The following PPM1D variants were observed in gnomAD, a reference collection of about 807,000 sequenced individuals.
PPM1D encodes protein phosphatase, Mg2+/Mn2+ dependent 1D.
PPM1D carries 52 observed loss-of-function variants against 58.3 expected under a neutral mutation model. The ratio of observed to expected loss-of-function variants is 0.89; its 90% confidence interval spans 0.71 to 1.12. The LOEUF is 1.12. Among genes scored for constraint, PPM1D ranks in the 50% most tolerant of loss-of-function variants. The pLI, the probability that PPM1D is intolerant of heterozygous loss-of-function variation, is 0.00. For missense variants in PPM1D, 564 were observed against 777.2 expected (o/e 0.73, Z 3.26); for synonymous variants, 278 against 285.1 (o/e 0.98, Z 0.25).
At chr17:60,645,618 A>ATATATG (rs1228702695) in intron 3 of PPM1D, among the ~76,000 whole-genome samples, 5 of 140,784 alleles carry the variant, frequency 3.6e-5, no homozygotes, top group Non-Finnish European at 6.0e-5. Flanking sequence ...GTGTGTATAT[A>ATATATG]TATATGTATA....
intron 3 of PPM1D, among the ~76,000 whole-genome samples, chr17:60,643,420 A>C (rs2031175691): frequency 6.6e-6 from 1 of 152,186 alleles, no homozygotes; most frequent in African/African-American, 2.4e-5. Flanking sequence ...AAGAAGAGCA[A>C]AAAGAACCAA....
At chr17:60,625,334 CAA>C (rs746122173) in intron 2 of PPM1D, among the ~76,000 whole-genome samples, 2 of 152,080 alleles carry the variant, frequency 1.3e-5, no homozygotes, top group Admixed American at 6.6e-5. Flanking sequence ...AGATTCCTCT[CAA>C]TATTTTTATT....
At chr17:60,638,402 T>C (rs1390487943) in intron 3 of PPM1D, among the ~76,000 whole-genome samples, 1 of 152,034 alleles carries the variant, frequency 6.6e-6, no homozygotes, top group East Asian at 1.9e-4. Context: ...GGAATCTCAC[T>C]CTGTTGCCCA....
intron 5 of PPM1D, among the ~76,000 whole-genome samples, chr17:60,657,567 A>G (rs1331326315): frequency 1.3e-5 from 2 of 152,144 alleles, no homozygotes; most frequent in Non-Finnish European, 2.9e-5. Flanking sequence ...AGGGAAATCT[A>G]ATGTCACCTA....
chr17:60,611,439 T>G (rs2030453091), intron 1 of PPM1D, among the ~76,000 whole-genome samples: 1 of 150,978 alleles, frequency 6.6e-6, no homozygotes. Context: ...TTTTGTTGGG[T>G]TTTTTTTTGA....
In PPM1D at chr17:60,644,094, G is replaced by T. The variant is rs570169289; in HGVS notation, c.827-3798G>T. ...GGGTTTCACCGTGTTAGCCAGGCTG[G>T]TCTCCAACTGTTGACCTCAAGTGAT... On this transcript the variant is annotated intron_variant, in intron 3 of 5. Transcript: ENST00000305921. Among the ~76,000 whole-genome samples, 251 of 151,694 alleles carry T rather than the reference G, an allele frequency of 1.7e-3. 1 individual carries two copies. The highest frequency in any genetic ancestry group is 5.6e-3 in the African/African-American group (231 of 41,354).
chr17:60,663,619 A>G lies in PPM1D; in HGVS notation c.*67A>G. 1 of 1,494,756 alleles carries G rather than the reference A, an allele frequency of 6.7e-7. No homozygotes were observed. Among genetic ancestry groups the G allele is most frequent in the Non-Finnish European group, 9.0e-7 (1 of 1,116,402 alleles). 92.6% of individuals were successfully genotyped at this position (1,494,756 alleles called of 1,614,324 possible). ...AGAGGGCTTTTTAAATTTGGTGCCG[A>G]TGTTGAACTTTTTTTAAGGGGAGAA... On this transcript the variant is annotated 3_prime_UTR_variant, in exon 6 of 6. Coordinates refer to ENST00000305921, the MANE Select transcript of PPM1D (RefSeq NM_003620.4).
At chr17:60,623,384 C>A in intron 1 of PPM1D, 137 bp from the exon 2 acceptor site, 1 of 776,900 alleles carries the variant, frequency 1.3e-6, no homozygotes, top group Non-Finnish European at 2.0e-6. Context: ...TAGTAGTTTT[C>A]AGAATATTTT....
At chr17:60,620,248 C>T (rs956972688) in intron 1 of PPM1D, among the ~76,000 whole-genome samples, 2 of 152,102 alleles carry the variant, frequency 1.3e-5, no homozygotes, top group East Asian at 1.9e-4. Context: ...CCACCCACTT[C>T]GGCCTCCCAG....
At chr17:60,616,522 A>C (rs1052042957) in intron 1 of PPM1D, among the ~76,000 whole-genome samples, 6 of 152,096 alleles carry the variant, frequency 3.9e-5, no homozygotes, top group African/African-American at 1.4e-4. Flanking sequence ...AGACAGGAGA[A>C]TCTCTTGAAC....
chr17:60,614,756 G>A (rs375994437), intron 1 of PPM1D, among the ~76,000 whole-genome samples: 2 of 152,052 alleles, frequency 1.3e-5, no homozygotes, highest in South Asian at 2.1e-4. Context: ...AACTCCAGAC[G>A]CGCAGCATTA....
At chr17:60,604,971 A>C (rs1297201652) in intron 1 of PPM1D, among the ~76,000 whole-genome samples, 3 of 152,022 alleles carry the variant, frequency 2.0e-5, no homozygotes, top group Admixed American at 2.0e-4. Context: ...GGCATGTGCC[A>C]TCATACCCAG....
Position 60,633,910 on chromosome 17 carries a change from C to T in PPM1D, c.759C>T (p.His253=), listed in dbSNP as rs749755269. 1.9e-6 allele frequency: 3 copies of T among 1,613,870 alleles called. No homozygotes were observed. In the South Asian group the frequency reaches 3.3e-5, roughly 18 times the overall value. The change falls in exon 3 of 6, where the codon CAC becomes CAT. Residue 253 remains histidine (H), a synonymous_variant. Transcript: ENST00000305921. Reference sequence around the variant, plus strand: ...TTTGGAAACGACCTCGACTCACTCACAATGGACCTGTTAGAAGGAGCACAG... The same window carrying T: ...TTTGGAAACGACCTCGACTCACTCATAATGGACCTGTTAGAAGGAGCACAG... The part of the protein sequence containing the change: ...RVVWKRPRLT[H]NGPVRRSTVI...
intron 1 of PPM1D, among the ~76,000 whole-genome samples, chr17:60,609,593 T>G (rs2030412029): frequency 6.6e-6 from 1 of 152,208 alleles, no homozygotes; most frequent in Non-Finnish European, 1.5e-5. Context: ...CTCGTCCCAC[T>G]GTGTCAGCCC....
chr17:60,646,356 A>G (rs953665422), intron 3 of PPM1D, among the ~76,000 whole-genome samples: 3 of 152,146 alleles, frequency 2.0e-5, no homozygotes, highest in African/African-American at 7.2e-5. Flanking sequence ...AATTGCCAGT[A>G]TTTCTGATGG....
At chr17:60,614,570 C>T (rs1287291982) in intron 1 of PPM1D, among the ~76,000 whole-genome samples, 1 of 152,086 alleles carries the variant, frequency 6.6e-6, no homozygotes, top group African/African-American at 2.4e-5. Context: ...CCAACATTGG[C>T]AACACGGTGG....
chr17:60,645,179 C>T (rs569724593), intron 3 of PPM1D, among the ~76,000 whole-genome samples: 1 of 152,144 alleles, frequency 6.6e-6, no homozygotes, highest in South Asian at 2.1e-4. Context: ...CATGATGAAA[C>T]CTCGTCTCTA....
At chr17:60,621,880 T>C (rs2030711265) in intron 1 of PPM1D, among the ~76,000 whole-genome samples, 1 of 140,550 alleles carries the variant, frequency 7.1e-6, no homozygotes, top group Non-Finnish European at 1.5e-5. Context: ...TGTTAAGAGT[T>C]ATCTCAAAAA....
At chr17:60,619,955 G>A (rs1338200958) in intron 1 of PPM1D, among the ~76,000 whole-genome samples, 1 of 151,696 alleles carries the variant, frequency 6.6e-6, no homozygotes, top group Admixed American at 6.6e-5. Context: ...GTCTATTCAG[G>A]TCATTTGCCC....
Sources: gnomAD v4.1 joint callset for allele counts (sites outside exome capture counted in the v4.1 genomes callset) on GRCh38, gnomAD v4.1.1 for gene constraint, MANE v1.5 for transcripts, NCBI Gene and HGNC (gene_info 2026-07-23, HGNC 2026-07-21) for gene names.